Variants in SCARA5 observed in about 807,000 individuals in gnomAD.
SCARA5 encodes scavenger receptor class A, member 5 (putative).
In SCARA5, 45 loss-of-function variants were observed where a neutral mutation model predicts 46.3. The ratio of observed to expected loss-of-function variants is 0.97; its 90% CI spans 0.76 to 1.24. The LOEUF (loss-of-function observed/expected upper bound fraction) is 1.24, where lower values mean the gene tolerates loss of function less well. SCARA5 is among the 50% of genes most tolerant of loss of function. The pLI is 0.00. For missense variants in SCARA5, 680 were observed against 689.0 expected (o/e 0.99, Z 0.15); for synonymous variants, 333 against 306.5 (o/e 1.09, Z -0.90).
At chr8:27,972,200 C>T (rs775742128) in intron 2 of SCARA5, among the ~76,000 whole-genome samples, 8 of 151,968 alleles carry the variant, frequency 5.3e-5, no homozygotes, top group Non-Finnish European at 1.0e-4. Context: ...ACCTGTAACC[C>T]CAGCTACCCA....
intron 3 of SCARA5, among the ~76,000 whole-genome samples, chr8:27,953,237 C>T (rs1041436563): frequency 6.6e-6 from 1 of 152,214 alleles, no homozygotes; most frequent in Admixed American, 6.5e-5. Context: ...CAGGCTGTCT[C>T]GAGAGTCCGA....
intron 2 of SCARA5, among the ~76,000 whole-genome samples, chr8:27,970,381 T>A (rs1297717582): frequency 6.6e-6 from 1 of 152,206 alleles, no homozygotes; most frequent in African/African-American, 2.4e-5. Flanking sequence ...CAGGAGCAGC[T>A]TTTCATAAGA....
chr8:27,953,568 G>A (rs1808164120), intron 3 of SCARA5, among the ~76,000 whole-genome samples: 2 of 152,214 alleles, frequency 1.3e-5, no homozygotes, highest in Non-Finnish European at 2.9e-5. Flanking sequence ...TTTGGGTTTG[G>A]GCCTGTTGAA....
At chr8:27,898,288 T>A (rs1017441399) in intron 7 of SCARA5, among the ~76,000 whole-genome samples, 1 of 152,172 alleles carries the variant, frequency 6.6e-6, no homozygotes, top group African/African-American at 2.4e-5. Flanking sequence ...ACTGGGAGCT[T>A]TCAGGAAGAG....
At chr8:27,941,076 G>A (rs561188284) in intron 3 of SCARA5, among the ~76,000 whole-genome samples, 2 of 151,766 alleles carry the variant, frequency 1.3e-5, no homozygotes, top group South Asian at 4.1e-4. Flanking sequence ...AAATTCTGAT[G>A]ATAACTTTTA....
chr8:27,929,786 C>G (rs1005938988), intron 3 of SCARA5, among the ~76,000 whole-genome samples: 1 of 152,168 alleles, frequency 6.6e-6, no homozygotes, highest in East Asian at 1.9e-4. Context: ...TGGCTATAGT[C>G]TCTTATTAGA....
intron 7 of SCARA5, among the ~76,000 whole-genome samples, chr8:27,895,720 G>A (rs1447638369): frequency 2.0e-5 from 3 of 152,172 alleles, no homozygotes; most frequent in South Asian, 2.1e-4. Context: ...GGGGTCAGAC[G>A]GGGTACTTGG....
chr8:27,962,873 T>G (rs1475294394), intron 3 of SCARA5, among the ~76,000 whole-genome samples: 1 of 152,212 alleles, frequency 6.6e-6, no homozygotes, highest in African/African-American at 2.4e-5. Flanking sequence ...TGCCCTGCAC[T>G]CACCGAACAC....
intron 2 of SCARA5, among the ~76,000 whole-genome samples, chr8:27,970,665 T>C (rs1808434629): frequency 6.6e-6 from 1 of 152,188 alleles, no homozygotes; most frequent in Non-Finnish European, 1.5e-5. Flanking sequence ...GCACTGCCAC[T>C]TCAATAAAAG....
At chr8:27,919,742 C>T (rs1406043243) in intron 4 of SCARA5, among the ~76,000 whole-genome samples, 1 of 151,818 alleles carries the variant, frequency 6.6e-6, no homozygotes, top group Non-Finnish European at 1.5e-5. Context: ...GGTCCATCAC[C>T]TCCTGGCCCT....
chr8:27,926,889 T>C (rs980006077), intron 3 of SCARA5, among the ~76,000 whole-genome samples: 1 of 152,162 alleles, frequency 6.6e-6, no homozygotes, highest in South Asian at 2.1e-4. Flanking sequence ...TAATTTCATG[T>C]CAGTCTCTTC....
At chr8:27,941,701 T>A (rs1807946982) in intron 3 of SCARA5, among the ~76,000 whole-genome samples, 1 of 152,000 alleles carries the variant, frequency 6.6e-6, no homozygotes, top group South Asian at 2.1e-4. Flanking sequence ...ATAGAGGAAC[T>A]CCAAACAGAT....
At chr8:27,904,667 G>A in intron 7 of SCARA5, 111 bp downstream of exon 7, 1 of 986,592 alleles carries the variant, frequency 1.0e-6, no homozygotes, top group Non-Finnish European at 1.6e-6. Flanking sequence ...TTTGACACTT[G>A]AGCCCCAGCC....
intron 4 of SCARA5, among the ~76,000 whole-genome samples, chr8:27,912,868 G>A (rs1352739780): frequency 1.3e-5 from 2 of 152,196 alleles, no homozygotes; most frequent in African/African-American, 4.8e-5. Flanking sequence ...TCTGGAAGGT[G>A]GGCATTGAGT....
At chr8:27,954,967 G>T (rs1393577586) in intron 3 of SCARA5, among the ~76,000 whole-genome samples, 1 of 152,308 alleles carries the variant, frequency 6.6e-6, no homozygotes. Context: ...TTGACAACAA[G>T]CAGGAGAAAC....
At chr8:27,979,362 T>C (rs11986084) in intron 2 of SCARA5, among the ~76,000 whole-genome samples, 6,047 of 152,300 alleles carry the variant, frequency 0.04, 413 homozygotes, top group African/African-American at 0.14. Flanking sequence ...GTGTGGTCTA[T>C]GTATCCATTT....
intron 3 of SCARA5, among the ~76,000 whole-genome samples, chr8:27,960,571 A>G (rs1252840952): frequency 1.3e-5 from 2 of 152,206 alleles, no homozygotes; most frequent in African/African-American, 4.8e-5. Flanking sequence ...AGGCACCACG[A>G]TCAACCCATT....
chr8:27,881,243 C>T (rs1189793313), intron 7 of SCARA5, among the ~76,000 whole-genome samples: 3 of 152,332 alleles, frequency 2.0e-5, no homozygotes, highest in Middle Eastern at 3.4e-3. Context: ...CACATACACT[C>T]ATATGTTCAT....
intron 7 of SCARA5, among the ~76,000 whole-genome samples, chr8:27,891,810 C>T (rs1025682682): frequency 3.3e-5 from 5 of 152,240 alleles, no homozygotes; most frequent in African/African-American, 4.8e-5. Context: ...TTAAAATACC[C>T]GTCACCTCTG....
Sources: gnomAD v4.1 joint callset for allele counts (sites outside exome capture counted in the v4.1 genomes callset) on GRCh38, gnomAD v4.1.1 for gene constraint, MANE v1.5 for transcripts, NCBI Gene and HGNC (gene_info 2026-07-23, HGNC 2026-07-21) for gene names.